The following ABCC2 variants were observed in gnomAD, a reference collection of about 807,000 sequenced individuals.
ABCC2 encodes the protein ATP binding cassette subfamily C member 2.
Under a neutral mutation model 173.4 loss-of-function variants are expected in ABCC2, and 157 were observed. The ratio of observed to expected loss-of-function variants is 0.91; its 90% CI spans 0.80 to 1.03. The LOEUF (loss-of-function observed/expected upper bound fraction) is 1.03. Ranked by LOEUF, ABCC2 falls within the 50% of genes least tolerant of loss-of-function variation. The pLI is 0.00. For synonymous variants in ABCC2, 657 were observed against 693.5 expected, an observed-to-expected ratio of 0.95 and a Z score of 0.83; for missense variants, 1,822 against 1,852.3, an observed-to-expected ratio of 0.98 and a Z score of 0.30.
rs551646500 is a variant in ABCC2, at chr10:99,834,655, T to C, written c.3414+120T>C. The C allele has an allele frequency of 4.7e-6, 6 of 1,280,178 alleles. No individual in the cohort carries two copies. The African/African-American group carries it at 5.9e-5, about 13-fold the overall frequency. The allele number at this position is 1,280,178 out of a possible 1,614,324, so 79.3% of individuals were successfully genotyped here. A position where few individuals can be genotyped will look rare whatever the true frequency, so the allele number is the denominator to read the frequency against. On this transcript the variant is annotated intron_variant, in intron 24 of 31. Coordinates refer to ENST00000647814, the MANE Select transcript of ABCC2 (RefSeq NM_000392.5). ...TCACTCACTCCTCCCCTCAGCAGCT[T>C]TGCCATTTAGTCATATGTTGACATA... is the stretch of plus-strand genomic sequence containing the variant.
chr10:99,839,100 C>A (rs1590188345), intron 25 of ABCC2, among the ~76,000 whole-genome samples: 1 of 141,600 alleles, frequency 7.1e-6, no homozygotes. Context: ...ACCCCCCCCC[C>A]ACCTCCCTCC....
chr10:99,846,975 C>T lies in ABCC2; in HGVS notation c.4161C>T (p.Phe1387=), dbSNP rs1250043965. ...TTCACTTGCAGGACCCCATCCTGTT[C>T]TCTGGAAGCCTGAGGATGAATCTCG... ...LTIIPQDPIL[F]SGSLRMNLDP... is the part of the protein sequence containing the mutation. The change falls in exon 30 of 32, where the codon TTC becomes TTT. Residue 1387 remains phenylalanine (F), a synonymous_variant. Transcript: ENST00000647814. The T allele has an allele frequency of 6.2e-7, 1 of 1,614,178 alleles. No homozygotes were observed. The highest frequency in any genetic ancestry group is 8.5e-7 in the Non-Finnish European group (1 of 1,180,026).
At chr10:99,789,063 G>C (rs900728516) in intron 2 of ABCC2, 1 of 154,284 alleles carries the variant, frequency 6.5e-6, no homozygotes, top group Non-Finnish European at 1.5e-5. Flanking sequence ...CGGTGTTTCT[G>C]TCTCTGAAAT....
intron 25 of ABCC2, among the ~76,000 whole-genome samples, chr10:99,839,136 G>T: frequency 7.4e-6 from 1 of 135,706 alleles, no homozygotes; most frequent in Non-Finnish European, 1.6e-5. Flanking sequence ...GCCGGGCGGG[G>T]GGCCGACCCC....
At chr10:99,813,623 G>T (rs2038255269) in intron 16 of ABCC2, among the ~76,000 whole-genome samples, 2 of 152,074 alleles carry the variant, frequency 1.3e-5, no homozygotes, top group South Asian at 4.1e-4. Context: ...GCTGAGGCAT[G>T]AGAATCACTT....
rs775175641 is a variant in ABCC2 at position 99,836,154 on chromosome 10, T to C, written c.3478T>C (p.Tyr1160His). ...GGACTCTGTCACCAGGTCCCCAATC[T>C]ACTCTCACTTCAGCGAGACCGTATC... is the stretch of plus-strand genomic sequence containing the variant. ...RLDSVTRSPI[Y>H]SHFSETVSGL... is the part of the protein sequence containing the mutation. The change falls in exon 25 of 32, where the codon TAC becomes CAC. Residue 1160 changes from tyrosine (Y) to histidine (H), a missense_variant. Tyr to His is a moderately conservative substitution (Grantham distance 83). Transcript: ENST00000647814. The C allele has an allele frequency of 1.9e-6, 3 of 1,614,070 alleles. No homozygotes were observed. Among genetic ancestry groups the C allele is most frequent in the East Asian group, 4.5e-5 (2 of 44,902 alleles).
chr10:99,791,018 T>C (rs2037802650), intron 2 of ABCC2, among the ~76,000 whole-genome samples: 1 of 152,166 alleles, frequency 6.6e-6, no homozygotes, highest in Admixed American at 6.5e-5. Context: ...GGCAGTAATT[T>C]TCCCCCTGAT....
chr10:99,814,445 ATGTGTG>A (rs1415427580), intron 16 of ABCC2, among the ~76,000 whole-genome samples: 1 of 94,182 alleles, frequency 1.1e-5, no homozygotes, highest in Non-Finnish European at 2.0e-5. Context: ...ATACACACAT[ATGTGTG>A]TATATACATA....
intron 16 of ABCC2, among the ~76,000 whole-genome samples, chr10:99,814,106 C>CACACATATATATACACAT (rs1564682993): frequency 1.6e-4 from 10 of 63,480 alleles, no homozygotes; most frequent in African/African-American, 5.5e-4. Context: ...TATATACACA[C>CACACATATATATACACAT]ATATGTGTAT....
intron 16 of ABCC2, among the ~76,000 whole-genome samples, chr10:99,815,435 A>G (rs1452098636): frequency 2.0e-5 from 3 of 151,992 alleles, no homozygotes; most frequent in Non-Finnish European, 4.4e-5. Context: ...GCCTCAAGTG[A>G]TCCATCTGCC....
Position 99,850,812 on chromosome 10 carries a change from C to CA in ABCC2, c.4508+17dup. ...ACAGTGACAAGTGAGTGTAGGGGGA[C>CA]AGGGCTTGACACGGATGGCTTAACC... is the stretch of plus-strand genomic sequence containing the variant. On this transcript the variant is annotated intron_variant, in intron 31 of 31. Transcript: ENST00000647814. 6.2e-7 allele frequency: 1 copy of CA among 1,613,936 alleles called. No individual in the cohort carries two copies. Among genetic ancestry groups the CA allele is most frequent in the Non-Finnish European group, 8.5e-7 (1 of 1,179,866 alleles).
At chr10:99,809,897 C>G (rs557540465) in intron 13 of ABCC2, among the ~76,000 whole-genome samples, 1 of 152,194 alleles carries the variant, frequency 6.6e-6, no homozygotes, top group South Asian at 2.1e-4. Context: ...GAATTAGGGC[C>G]GAAGACTGGA....
chr10:99,843,768 G>C (rs1442189354), intron 26 of ABCC2, 31 bp from the exon 27 acceptor site: 1 of 1,588,994 alleles, frequency 6.3e-7, no homozygotes, highest in East Asian at 2.2e-5. Flanking sequence ...CTGTGCCTAT[G>C]ATGATTTTCA....
intron 30 of ABCC2, among the ~76,000 whole-genome samples, chr10:99,850,079 G>A (rs2039067466): frequency 1.3e-5 from 2 of 152,208 alleles, no homozygotes; most frequent in African/African-American, 4.8e-5. Context: ...CTTGAGGCTA[G>A]AATTACACAT....
Position 99,851,759 on chromosome 10 carries a change from C to A in ABCC2, c.*128C>A. On this transcript the variant is annotated 3_prime_UTR_variant, in exon 32 of 32. Coordinates refer to ENST00000647814, the MANE Select transcript of ABCC2 (RefSeq NM_000392.5). ...CGTTTTAAAAAAGGATAAGTGAACA[C>A]CCATGAACCTACTACCCAGGTTAAG... is the stretch of plus-strand genomic sequence containing the variant. The A allele has an allele frequency of 1.1e-6, 1 of 935,356 alleles. No individual in the cohort carries two copies. 57.9% of individuals were successfully genotyped at this position (935,356 alleles called of 1,614,324 possible). A position where few individuals can be genotyped will look rare whatever the true frequency, so the allele number is the denominator to read the frequency against.
intron 6 of ABCC2, among the ~76,000 whole-genome samples, chr10:99,796,242 C>T (rs1241846290): frequency 1.3e-5 from 2 of 152,012 alleles, no homozygotes; most frequent in Non-Finnish European, 2.9e-5. Flanking sequence ...CAGTGGTTCA[C>T]GCCTGTAATC....
intron 6 of ABCC2, among the ~76,000 whole-genome samples, chr10:99,795,174 A>T (rs2037878389): frequency 6.6e-6 from 1 of 152,210 alleles, no homozygotes; most frequent in Non-Finnish European, 1.5e-5. Context: ...GAAGTCTATG[A>T]ATCCCTTCTC....
intron 9 of ABCC2, 141 bp downstream of exon 9, chr10:99,800,704 T>A: frequency 9.9e-7 from 1 of 1,011,674 alleles, no homozygotes; most frequent in South Asian, 1.4e-5. Flanking sequence ...CTCCTTTAGA[T>A]GTTTCTTTGG....
At chr10:99,782,982 T>C in intron 1 of ABCC2, 105 bp downstream of exon 1, 1 of 1,118,274 alleles carries the variant, frequency 8.9e-7, no homozygotes, top group East Asian at 2.4e-5. Context: ...ATGTTAGATG[T>C]GCAATTGGTC....
Sources: gnomAD v4.1 joint callset for allele counts (sites outside exome capture counted in the v4.1 genomes callset) on GRCh38, gnomAD v4.1.1 for gene constraint, MANE v1.5 for transcripts, NCBI Gene and HGNC (gene_info 2026-07-23, HGNC 2026-07-21) for gene names.